Variants in STOX2 observed in about 807,000 individuals in gnomAD.
The protein encoded by STOX2 is storkhead-box protein 2.
In STOX2, 28 loss-of-function variants were observed where a neutral mutation model predicts 60.9. The observed-to-expected ratio is 0.46, with a 90% confidence interval of 0.34 to 0.63. The LOEUF (loss-of-function observed/expected upper bound fraction) is 0.63. Among genes scored for constraint, STOX2 ranks in the 30% least tolerant of loss-of-function variants. The pLI, the probability that STOX2 is intolerant of heterozygous loss-of-function variation, is 0.01. For missense variants in STOX2, 1,024 were observed against 1,187.7 expected (o/e 0.86, Z 2.03); for synonymous variants, 472 against 463.9 (o/e 1.02, Z -0.22).
At chr4:183,840,149 A>G (rs1048589213) in intron 1 of STOX2, among the ~76,000 whole-genome samples, 1 of 152,190 alleles carries the variant, frequency 6.6e-6, no homozygotes, top group Non-Finnish European at 1.5e-5. Context: ...TGTTGTGAAA[A>G]CAAAATTGAT....
At chr4:183,964,786 A>T (rs1393837374) in intron 1 of STOX2, among the ~76,000 whole-genome samples, 2 of 151,960 alleles carry the variant, frequency 1.3e-5, no homozygotes, top group African/African-American at 2.4e-5. Flanking sequence ...GTTTCACCAT[A>T]TTGGCCAGGC....
intron 1 of STOX2, chr4:183,960,322 C>T (rs1743375870): frequency 6.6e-6 from 1 of 152,164 alleles, no homozygotes; most frequent in South Asian, 2.1e-4. Flanking sequence ...GGATCATGAG[C>T]TCCTGCCTCC....
intron 1 of STOX2, among the ~76,000 whole-genome samples, chr4:183,862,218 C>T (rs1740465471): frequency 1.3e-5 from 2 of 152,180 alleles, no homozygotes; most frequent in Admixed American, 1.3e-4. Context: ...CTCTGTCACC[C>T]AGGCTGGAGT....
intron 1 of STOX2, among the ~76,000 whole-genome samples, chr4:183,989,736 C>T (rs1733015935): frequency 1.3e-5 from 2 of 152,152 alleles, no homozygotes; most frequent in African/African-American, 4.8e-5. Flanking sequence ...TTACAACATC[C>T]ATGGGCTTTT....
chr4:183,832,944 A>C (rs1033401759), intron 1 of STOX2, among the ~76,000 whole-genome samples: 3 of 152,236 alleles, frequency 2.0e-5, no homozygotes, highest in Admixed American at 6.5e-5. Context: ...CAAACACTAC[A>C]GATTCCGTCA....
chr4:183,818,749 A>G (rs1739219888), intron 1 of STOX2, among the ~76,000 whole-genome samples: 1 of 147,144 alleles, frequency 6.8e-6, no homozygotes, highest in Non-Finnish European at 1.5e-5. Context: ...CCTCCTGGAC[A>G]GGGCGGCTGC....
At chr4:183,951,335 G>C (rs1002097021) in intron 1 of STOX2, among the ~76,000 whole-genome samples, 1 of 151,912 alleles carries the variant, frequency 6.6e-6, no homozygotes, top group African/African-American at 2.4e-5. Context: ...GATTTGGGAT[G>C]ACAGAGGTGG....
intron 1 of STOX2, among the ~76,000 whole-genome samples, chr4:183,972,548 A>C (rs1305912044): frequency 6.6e-6 from 1 of 152,226 alleles, no homozygotes; most frequent in Non-Finnish European, 1.5e-5. Flanking sequence ...TGACCACTGC[A>C]TGGTATACAT....
intron 1 of STOX2, among the ~76,000 whole-genome samples, chr4:183,908,144 C>T (rs1741670906): frequency 6.6e-6 from 1 of 152,136 alleles, no homozygotes. Flanking sequence ...ATAAAAGAAC[C>T]ATCTTTTTTA....
At chr4:183,946,627 GT>G (rs66484161) in intron 1 of STOX2, among the ~76,000 whole-genome samples, 106,983 of 131,184 alleles carry the variant, frequency 0.82, 44,337 homozygotes, top group East Asian at 0.96. Flanking sequence ...CATAGTTGTG[GT>G]TTTTTTTTTT....
chr4:183,995,324 G>T (rs7687331), intron 1 of STOX2, among the ~76,000 whole-genome samples: 727 of 22,658 alleles, frequency 0.032, 35 homozygotes, highest in Middle Eastern at 0.038. Flanking sequence ...TTTTTTTTTT[G>T]CACAAATAGA....
intron 1 of STOX2, among the ~76,000 whole-genome samples, chr4:183,817,725 A>G (rs993214039): frequency 6.6e-6 from 1 of 152,160 alleles, no homozygotes; most frequent in African/African-American, 2.4e-5. Flanking sequence ...TGACATGAGT[A>G]GAGATTTGCC....
At chr4:183,876,866 T>C (rs1196990224) in intron 1 of STOX2, among the ~76,000 whole-genome samples, 1 of 152,188 alleles carries the variant, frequency 6.6e-6, no homozygotes, top group African/African-American at 2.4e-5. Flanking sequence ...GTGAGTTCCA[T>C]TGTGAGTGCG....
chr4:183,820,625 A>T (rs1365918626), intron 1 of STOX2, among the ~76,000 whole-genome samples: 1 of 152,186 alleles, frequency 6.6e-6, no homozygotes, highest in African/African-American at 2.4e-5. Context: ...ATTTAGACAT[A>T]ACAGTATATG....
chr4:183,810,194 C>A (rs1739003439), intron 1 of STOX2, among the ~76,000 whole-genome samples: 1 of 152,198 alleles, frequency 6.6e-6, no homozygotes, highest in Non-Finnish European at 1.5e-5. Flanking sequence ...TAGCTGCCAC[C>A]TTGCAGTTGC....
upstream of STOX2, among the ~76,000 whole-genome samples, chr4:183,901,592 TG>T (rs1391374602): frequency 7.2e-6 from 1 of 137,964 alleles, no homozygotes; most frequent in Non-Finnish European, 1.5e-5. Flanking sequence ...TTCTGGTTTT[TG>T]GGTATTTTTT....
intron 1 of STOX2, among the ~76,000 whole-genome samples, chr4:183,899,317 T>C (rs760623192): frequency 1.5e-4 from 23 of 152,176 alleles, no homozygotes; most frequent in Admixed American, 9.2e-4. Flanking sequence ...TGTCTCTTAC[T>C]TGAAATCAAA....
intron 1 of STOX2, among the ~76,000 whole-genome samples, chr4:183,882,687 G>A (rs148999727): frequency 3.0e-4 from 45 of 152,264 alleles, no homozygotes; most frequent in African/African-American, 1.0e-3. Context: ...CCTTTTAAGC[G>A]GGCTTCATAT....
intron 1 of STOX2, among the ~76,000 whole-genome samples, chr4:183,842,843 T>G (rs2033623): frequency 0.46 from 69,671 of 151,736 alleles, 16,281 homozygotes; most frequent in East Asian, 0.76. Flanking sequence ...CTTTTTTTTT[T>G]TTTTTGAAAT....
Sources: allele counts gnomAD v4.1 joint callset (sites outside exome capture counted in the v4.1 genomes callset), GRCh38; gene constraint gnomAD v4.1.1; transcripts MANE v1.5; gene names NCBI Gene and HGNC (gene_info 2026-07-23, HGNC 2026-07-21).